Variants in STXBP5L observed in about 807,000 individuals in gnomAD.
The protein encoded by STXBP5L is syntaxin binding protein 5L.
STXBP5L carries 65 observed loss-of-function variants against 144.5 expected under a neutral mutation model. That is an observed-to-expected ratio of 0.45 (90% CI 0.37 to 0.55). The LOEUF is 0.55. STXBP5L is among the 20% of genes least tolerant of loss of function. STXBP5L has a pLI of 0.00. For synonymous variants in STXBP5L, 505 were observed against 469.6 expected (o/e 1.08, Z -0.97); for missense variants, 1,298 against 1,405.5 (o/e 0.92, Z 1.22).
chr3:121,046,466 T>G (rs917047940), intron 5 of STXBP5L, among the ~76,000 whole-genome samples: 43 of 152,250 alleles, frequency 2.8e-4, no homozygotes, highest in African/African-American at 1.0e-3. Context: ...CTGGTGGAAT[T>G]TGGCTGTGAA....
At chr3:121,207,887 A>T (rs2048400035) in intron 10 of STXBP5L, among the ~76,000 whole-genome samples, 1 of 152,180 alleles carries the variant, frequency 6.6e-6, no homozygotes, top group Non-Finnish European at 1.5e-5. Flanking sequence ...TGTTGGTGGG[A>T]CTGTAAACTA....
rs75394854 is a variant in STXBP5L at position 121,365,472 on chromosome 3, C to T, written c.2177-13244C>T. Among the ~76,000 whole-genome samples the T allele has an allele frequency of 3.1e-3, 473 of 150,874 alleles. 3 individuals carry two copies. Among genetic ancestry groups the T allele is most frequent in the African/African-American group, 0.011 (442 of 41,180 alleles). ...TTTTTACTAGTTATAAGTCTATTCA[C>T]GGTTTGTATTTCTTTGTGACTTGGT... On this transcript the variant is annotated intron_variant, in intron 20 of 26. Transcript: ENST00000471454.
In STXBP5L at chr3:121,236,972, AT is replaced by A. The variant is rs546661949; in HGVS notation, c.1185-1995del. ...CATTAAATCTTAAAGCTCCAAAATA[AT>A]TTTCTTTGACTCCATGTCCTGCATC... On this transcript the variant is annotated intron_variant, in intron 12 of 26. Transcript: ENST00000471454. Among the ~76,000 whole-genome samples, 420 of 152,168 alleles carry A rather than the reference AT, an allele frequency of 2.8e-3. 5 individuals are homozygous for A. Among genetic ancestry groups the A allele is most frequent in the African/African-American group, 9.8e-3 (406 of 41,504 alleles).
chr3:121,150,345 G>T (rs2045888769), intron 7 of STXBP5L, among the ~76,000 whole-genome samples: 1 of 151,972 alleles, frequency 6.6e-6, no homozygotes, highest in Non-Finnish European at 1.5e-5. Context: ...TCCTGTTTTG[G>T]TGTGGTCAAA....
intron 4 of STXBP5L, among the ~76,000 whole-genome samples, chr3:121,043,957 A>G (rs1395006227): frequency 6.6e-6 from 1 of 152,194 alleles, no homozygotes; most frequent in Non-Finnish European, 1.5e-5. Flanking sequence ...CTGTATTCAA[A>G]AAAATCAAGT....
intron 14 of STXBP5L, among the ~76,000 whole-genome samples, chr3:121,244,741 A>G (rs2049785691): frequency 6.6e-6 from 1 of 152,196 alleles, no homozygotes; most frequent in Admixed American, 6.5e-5. Context: ...CAGGTTTTTT[A>G]GCAGAAGCAT....
intron 18 of STXBP5L, among the ~76,000 whole-genome samples, chr3:121,259,530 A>T (rs1003900322): frequency 1.3e-5 from 2 of 151,962 alleles, no homozygotes; most frequent in African/African-American, 4.8e-5. Context: ...GTCTGATCTG[A>T]TGGTAGATCC....
chr3:121,029,793 A>G (rs9827426), intron 3 of STXBP5L, among the ~76,000 whole-genome samples: 15,043 of 151,902 alleles, frequency 0.099, 1,173 homozygotes, highest in Admixed American at 0.2. Context: ...CTGACAAAAG[A>G]CTAATATGCA....
chr3:121,213,312 G>C (rs1343370053), intron 10 of STXBP5L, among the ~76,000 whole-genome samples: 1 of 152,098 alleles, frequency 6.6e-6, no homozygotes, highest in Non-Finnish European at 1.5e-5. Flanking sequence ...AATGCTTCCA[G>C]CTTTTGCCCA....
rs184111592 is a variant in STXBP5L at position 121,098,258 on chromosome 3, T to C, written c.471-16667T>C. 1.7e-3 allele frequency among the ~76,000 whole-genome samples: 262 copies of C among 152,314 alleles called. 3 individuals carry two copies. The highest frequency in any genetic ancestry group is 6.1e-3 in the African/African-American group (252 of 41,570). Reference sequence around the variant, plus strand: ...ACTGCAGGCTGTACAGGAAGTGGGATGTCAGCATCTGCTTCTGGTGAGCAC... The same window carrying C: ...ACTGCAGGCTGTACAGGAAGTGGGACGTCAGCATCTGCTTCTGGTGAGCAC... On this transcript the variant is annotated intron_variant, in intron 5 of 26. Transcript: ENST00000471454.
chr3:121,330,427 C>T (rs1046569778), intron 20 of STXBP5L, among the ~76,000 whole-genome samples: 1 of 152,176 alleles, frequency 6.6e-6, no homozygotes, highest in Admixed American at 6.5e-5. Context: ...ATGTGGAGAG[C>T]TAGAGTGCAG....
At chr3:121,033,940 T>TACATG (rs1946568439) in intron 3 of STXBP5L, among the ~76,000 whole-genome samples, 1 of 152,098 alleles carries the variant, frequency 6.6e-6, no homozygotes, top group Admixed American at 6.6e-5. Context: ...TTATTAAAAA[T>TACATG]AGTATTTTCT....
intron 20 of STXBP5L, among the ~76,000 whole-genome samples, chr3:121,361,929 A>G (rs966998252): frequency 4.6e-5 from 7 of 152,284 alleles, no homozygotes; most frequent in Non-Finnish European, 8.8e-5. Context: ...ATTTGTATCC[A>G]TACTTCTTGA....
intron 10 of STXBP5L, among the ~76,000 whole-genome samples, chr3:121,221,686 G>T (rs1367396531): frequency 6.6e-6 from 1 of 151,642 alleles, no homozygotes; most frequent in Non-Finnish European, 1.5e-5. Flanking sequence ...GGCACCATTA[G>T]TAGGTTGGTC....
At chr3:121,263,146 G>A (rs966970101) in intron 18 of STXBP5L, among the ~76,000 whole-genome samples, 2 of 152,204 alleles carry the variant, frequency 1.3e-5, no homozygotes, top group African/African-American at 4.8e-5. Flanking sequence ...TTGTTGTTCT[G>A]CTGCCTCCAC....
chr3:121,078,981 C>G (rs944957419), intron 5 of STXBP5L, among the ~76,000 whole-genome samples: 1 of 152,222 alleles, frequency 6.6e-6, no homozygotes, highest in Admixed American at 6.5e-5. Flanking sequence ...CCGGCCTTGA[C>G]CAGCCCAGAA....
chr3:121,263,330 A>G, intron 18 of STXBP5L, among the ~76,000 whole-genome samples: 1 of 152,334 alleles, frequency 6.6e-6, no homozygotes, highest in African/African-American at 2.4e-5. Context: ...CCAACATCAA[A>G]GACCAAAAGT....
At chr3:121,402,564 T>A (rs73183178) in intron 22 of STXBP5L, among the ~76,000 whole-genome samples, 5,427 of 152,282 alleles carry the variant, frequency 0.036, 144 homozygotes, top group Middle Eastern at 0.082. Flanking sequence ...GTTTGCTTTG[T>A]CATACTTATT....
rs543232834 is a variant in STXBP5L at position 121,117,093 on chromosome 3, CTTTAT to C, written c.605+2039_605+2043del. On this transcript the variant is annotated intron_variant, in intron 6 of 26. Coordinates refer to ENST00000471454, the MANE Select transcript of STXBP5L (RefSeq NM_001308330.2). ...TTACTACGTGAACTAGTGACTTATACTTTATTTTAATGTGTTTATATAGTCTATAC... is the reference window on the plus strand; with the variant it reads ...TTACTACGTGAACTAGTGACTTATACTTTAATGTGTTTATATAGTCTATAC... 1.3e-4 allele frequency among the ~76,000 whole-genome samples: 19 copies of C among 151,860 alleles called. No homozygotes were observed. In the East Asian group the frequency reaches 1.7e-3, roughly 14 times the overall value.
Sources: gnomAD v4.1 joint callset for allele counts (sites outside exome capture counted in the v4.1 genomes callset) on GRCh38, gnomAD v4.1.1 for gene constraint, MANE v1.5 for transcripts, NCBI Gene and HGNC (gene_info 2026-07-23, HGNC 2026-07-21) for gene names.